Variants in GRID2 observed in about 807,000 individuals in gnomAD.
GRID2 encodes glutamate receptor ionotropic, delta-2.
In GRID2, 33 loss-of-function variants were observed where a neutral mutation model predicts 114.8. The observed-to-expected ratio is 0.29, with a 90% CI of 0.22 to 0.38. The LOEUF (loss-of-function observed/expected upper bound fraction) is 0.38. Ranked by LOEUF, GRID2 falls within the 10% of genes least tolerant of loss-of-function variation. The pLI, the probability that GRID2 is intolerant of heterozygous loss-of-function variation, is 1.00. For synonymous variants in GRID2, 505 were observed against 449.9 expected, an observed-to-expected ratio of 1.12 and a Z score of -1.55; for missense variants, 1,184 against 1,257.7, an observed-to-expected ratio of 0.94 and a Z score of 0.89.
At chr4:92,583,562 C>A (rs1728278164) in intron 1 of GRID2, among the ~76,000 whole-genome samples, 1 of 151,678 alleles carries the variant, frequency 6.6e-6, no homozygotes, top group Non-Finnish European at 1.5e-5. Flanking sequence ...AGGAAATGTT[C>A]TGTTAAATAA....
At chr4:92,381,347 T>A (rs1356950087) in intron 1 of GRID2, among the ~76,000 whole-genome samples, 4 of 152,052 alleles carry the variant, frequency 2.6e-5, no homozygotes, top group Non-Finnish European at 4.4e-5. Context: ...AATATGTACT[T>A]TACATGTGGG....
At chr4:93,327,386 T>G (rs564721106) in intron 8 of GRID2, among the ~76,000 whole-genome samples, 1 of 152,278 alleles carries the variant, frequency 6.6e-6, no homozygotes, top group South Asian at 2.1e-4. Context: ...TGTGTTCAGT[T>G]AGTCATACAA....
rs1045277437 is a variant in GRID2, at chr4:93,275,967, T to C, written c.1245+37477T>C. Reference sequence around the variant, plus strand: ...ATTTCTAGAATAAGAGTTTTATATTTTTTGAATCTATACTTTTTCTGTGCT... The same window carrying C: ...ATTTCTAGAATAAGAGTTTTATATTCTTTGAATCTATACTTTTTCTGTGCT... On this transcript the variant is annotated intron_variant, in intron 8 of 15. Coordinates refer to ENST00000282020, the MANE Select transcript of GRID2 (RefSeq NM_001510.4). 2.6e-5 allele frequency among the ~76,000 whole-genome samples: 4 copies of C among 151,984 alleles called. No individual in the cohort carries two copies. The East Asian group carries it at 7.7e-4, about 29-fold the overall frequency.
intron 8 of GRID2, among the ~76,000 whole-genome samples, chr4:93,324,400 A>G (rs1399652223): frequency 6.6e-6 from 1 of 151,928 alleles, no homozygotes; most frequent in Non-Finnish European, 1.5e-5. Context: ...GATGAAGCCA[A>G]CTTCATTGTG....
intron 2 of GRID2, among the ~76,000 whole-genome samples, chr4:92,663,785 C>T (rs1354538419): frequency 6.6e-6 from 1 of 150,980 alleles, no homozygotes; most frequent in East Asian, 1.9e-4. Flanking sequence ...TCCCATTAAA[C>T]TAAATCTCTA....
At chr4:93,729,237 G>T (rs1229869672) in intron 14 of GRID2, among the ~76,000 whole-genome samples, 1 of 151,814 alleles carries the variant, frequency 6.6e-6, no homozygotes, top group Non-Finnish European at 1.5e-5. Flanking sequence ...AGCTAAAGAA[G>T]AGTGCATTTA....
chr4:92,692,157 G>A (rs1218551804), intron 2 of GRID2, among the ~76,000 whole-genome samples: 1 of 152,096 alleles, frequency 6.6e-6, no homozygotes, highest in Non-Finnish European at 1.5e-5. Flanking sequence ...TTCTCCCAGT[G>A]AAGTTAAAAA....
Position 92,415,731 on chromosome 4 carries a change from TG to T in GRID2, c.88+110988del, listed in dbSNP as rs71598446. On this transcript the variant is annotated intron_variant, in intron 1 of 15. Coordinates refer to ENST00000282020, the MANE Select transcript of GRID2 (RefSeq NM_001510.4). ...ATGTATGTGTGTGTGTGTGTGTGTG[TG>T]TATGTGTGTATATATATATATATAT... Among the ~76,000 whole-genome samples, 146 of 89,742 alleles carry T rather than the reference TG, an allele frequency of 1.6e-3. 1 individual carries two copies. Among genetic ancestry groups the T allele is most frequent in the Admixed American group, 6.0e-3 (43 of 7,170 alleles). The allele number at this position is 89,742 out of a possible 152,430, so 58.9% of individuals were successfully genotyped here. A position where few individuals can be genotyped will look rare whatever the true frequency, so the allele number is the denominator to read the frequency against.
intron 1 of GRID2, among the ~76,000 whole-genome samples, chr4:92,367,077 T>G (rs1728905139): frequency 6.6e-6 from 1 of 152,118 alleles, no homozygotes; most frequent in Non-Finnish European, 1.5e-5. Flanking sequence ...GAATGTCCCT[T>G]AATTTGAGTT....
At chr4:93,405,625 T>G (rs896893328) in intron 9 of GRID2, among the ~76,000 whole-genome samples, 1 of 152,200 alleles carries the variant, frequency 6.6e-6, no homozygotes, top group Non-Finnish European at 1.5e-5. Flanking sequence ...GTAGGTAGAT[T>G]GACTTCCATA....
intron 14 of GRID2, among the ~76,000 whole-genome samples, chr4:93,644,635 G>GTAT (rs1054052706): frequency 4.6e-5 from 7 of 152,092 alleles, no homozygotes; most frequent in Non-Finnish European, 7.4e-5. Context: ...AATTTTACTA[G>GTAT]TATTAATTTC....
At chr4:93,431,411 C>A (rs1281208844) in intron 10 of GRID2, among the ~76,000 whole-genome samples, 1 of 151,404 alleles carries the variant, frequency 6.6e-6, no homozygotes, top group Non-Finnish European at 1.5e-5. Flanking sequence ...TAAGAATTGA[C>A]AAAATAAGAA....
At chr4:92,876,669 G>GA (rs1745659896) in intron 2 of GRID2, among the ~76,000 whole-genome samples, 1 of 152,106 alleles carries the variant, frequency 6.6e-6, no homozygotes, top group Admixed American at 6.6e-5. Flanking sequence ...TATCTACCAG[G>GA]AAAATGGGTA....
intron 1 of GRID2, among the ~76,000 whole-genome samples, chr4:92,466,642 A>C (rs1420403024): frequency 6.6e-6 from 1 of 151,766 alleles, no homozygotes; most frequent in Non-Finnish European, 1.5e-5. Flanking sequence ...TTCCCTATTA[A>C]ATCAGTTAGC....
At chr4:93,602,974 C>T (rs149262646) in intron 13 of GRID2, among the ~76,000 whole-genome samples, 9 of 152,186 alleles carry the variant, frequency 5.9e-5, no homozygotes, top group African/African-American at 1.9e-4. Flanking sequence ...CTTTGGGAGG[C>T]CGAGGCGGGC....
intron 1 of GRID2, among the ~76,000 whole-genome samples, chr4:92,531,932 T>TA (rs1450980065): frequency 6.6e-6 from 1 of 152,152 alleles, no homozygotes; most frequent in East Asian, 1.9e-4. Flanking sequence ...ACGCAGGCCC[T>TA]ACTAGCAAAT....
At chr4:93,592,959 G>A (rs369505207) in intron 13 of GRID2, among the ~76,000 whole-genome samples, 27,421 of 149,262 alleles carry the variant, frequency 0.18, 2,823 homozygotes, top group Middle Eastern at 0.3. Context: ...GTCTCTGCAC[G>A]TGAGATGGGT....
chr4:93,172,338 A>T (rs1738913633), intron 4 of GRID2, among the ~76,000 whole-genome samples: 2 of 152,150 alleles, frequency 1.3e-5, no homozygotes, highest in Admixed American at 6.5e-5. Context: ...CACACCTATA[A>T]TGCCAGCACT....
chr4:93,132,441 T>G (rs1336960112), intron 4 of GRID2, among the ~76,000 whole-genome samples: 1 of 152,196 alleles, frequency 6.6e-6, no homozygotes, highest in African/African-American at 2.4e-5. Context: ...TGGCTGATTT[T>G]AAACACCTGG....
Sources: gnomAD v4.1 joint callset for allele counts (sites outside exome capture counted in the v4.1 genomes callset) on GRCh38, gnomAD v4.1.1 for gene constraint, MANE v1.5 for transcripts, NCBI Gene and HGNC (gene_info 2026-07-23, HGNC 2026-07-21) for gene names.